Variants in KIR3DL1 observed in about 807,000 individuals in gnomAD.
The protein encoded by KIR3DL1 is killer cell immunoglobulin-like receptor 3DL1.
KIR3DL1 carries 50 observed loss-of-function variants against 40.3 expected under a neutral mutation model. The ratio of observed to expected loss-of-function variants is 1.24; its 90% CI spans 0.99 to 1.57. KIR3DL1 has a LOEUF of 1.57. Among genes scored for constraint, KIR3DL1 ranks in the 40% most tolerant of loss-of-function variants. KIR3DL1 has a pLI of 0.00. For missense variants in KIR3DL1, 661 were observed against 559.9 expected (o/e 1.18, Z -1.82); for synonymous variants, 257 against 207.2 (o/e 1.24, Z -2.07).
At position 54,825,550 on chromosome 19, in the gene KIR3DL1, C is replaced by A. The variant is rs867594035; in HGVS notation, c.1000+472C>A. ...ACAGAGAACAGAGCTCATGCACGCA[C>A]ACTTCGACTCACTGACTCATTCAGC... is the stretch of plus-strand genomic sequence containing the variant. On this transcript the variant is annotated intron_variant, in intron 6 of 8. Transcript: ENST00000391728. 6.2e-4 allele frequency among the ~76,000 whole-genome samples: 93 copies of A among 150,082 alleles called. 1 individual carries two copies. Among genetic ancestry groups the A allele is most frequent in the African/African-American group, 2.2e-3 (90 of 40,208 alleles).
At chr19:54,818,283 C>G (rs1478170703) in intron 2 of KIR3DL1, 32 bp from the exon 3 acceptor site, 3 of 1,580,160 alleles carry the variant, frequency 1.9e-6, no homozygotes, top group Admixed American at 1.7e-5. Flanking sequence ...TCCACATCCT[C>G]CTCTCTAAGG....
At chr19:54,817,218 G>T (rs1006740520) in intron 1 of KIR3DL1, among the ~76,000 whole-genome samples, 1 of 141,090 alleles carries the variant, frequency 7.1e-6, no homozygotes, top group Non-Finnish European at 1.6e-5. Flanking sequence ...GTTGAGATAG[G>T]AGCCTGGAGT....
chr19:54,820,559 C>G (rs1331291750), intron 4 of KIR3DL1, among the ~76,000 whole-genome samples: 1 of 151,296 alleles, frequency 6.6e-6, no homozygotes, highest in Non-Finnish European at 1.5e-5. Flanking sequence ...CTTGGGGTCC[C>G]CAGACTGGAT....
chr19:54,821,602 C>G, exon 5 of KIR3DL1: 4 of 1,608,334 alleles, frequency 2.5e-6, no homozygotes, highest in Non-Finnish European at 2.5e-6. Context: ...CCCAGCCGGG[C>G]CCCAAGGTTC....
chr19:54,817,458 C>A (rs568810152), intron 1 of KIR3DL1, 76 bp from the exon 2 acceptor site: 7 of 1,236,286 alleles, frequency 5.7e-6, no homozygotes, highest in Non-Finnish European at 8.1e-6. Flanking sequence ...GCTGCCAAGA[C>A]GCACAGCCCA....
chr19:54,817,561 C>G (rs1164650744), exon 2 of KIR3DL1: 2 of 1,512,086 alleles, frequency 1.3e-6, no homozygotes, highest in Admixed American at 1.8e-5. Context: ...AGGGCCGGTC[C>G]ACACATGGGT....
intron 6 of KIR3DL1, 63 bp downstream of exon 6, chr19:54,825,141 C>T (rs1198023108): frequency 4.6e-6 from 5 of 1,092,180 alleles, no homozygotes; most frequent in Non-Finnish European, 7.0e-6. Context: ...GCCTTGGATG[C>T]AAGTGTTGGC....
In KIR3DL1 at chr19:54,824,330, T is replaced by G. The variant is rs945004743; in HGVS notation, c.950-698T>G. Among the ~76,000 whole-genome samples the G allele has an allele frequency of 1.3e-4, 20 of 151,496 alleles. 1 individual carries two copies. The highest frequency in any genetic ancestry group is 4.1e-4 in the African/African-American group (17 of 41,072). ...AGATATCCAGTTTTCCCCACACCAT[T>G]TATTGAAAAGACTGTCCTTTCCTGA... On this transcript the variant is annotated intron_variant, in intron 5 of 8. Coordinates refer to ENST00000391728, the Ensembl canonical transcript of KIR3DL1.
chr19:54,818,053 A>G (rs1299470978), intron 2 of KIR3DL1, among the ~76,000 whole-genome samples: 1 of 148,374 alleles, frequency 6.7e-6, no homozygotes, highest in African/African-American at 2.6e-5. Context: ...TGCCGTGTCT[A>G]CTTTGTGTTG....
In KIR3DL1 at chr19:54,816,488, C is replaced by A. The variant is rs2148043037; in HGVS notation, c.-13C>A. On this transcript the variant is annotated 5_prime_UTR_variant, in exon 1 of 9. Coordinates refer to ENST00000391728, the Ensembl canonical transcript of KIR3DL1. ...GAGCTGGGGCGCAGCCGCCTGTCTG[C>A]ACCGGCAGCACCATGTCGCTCATGG... is the stretch of plus-strand genomic sequence containing the variant. 22 of 1,605,666 alleles carry A rather than the reference C, an allele frequency of 1.4e-5. 1 individual carries two copies. The South Asian group carries it at 2.4e-4, about 18-fold the overall frequency.
chr19:54,825,744 G>C (rs1202527582), intron 6 of KIR3DL1, among the ~76,000 whole-genome samples: 3 of 136,572 alleles, frequency 2.2e-5, no homozygotes, highest in Non-Finnish European at 3.3e-5. Flanking sequence ...TGACAGCAAG[G>C]CTGCCTTCCC....
At chr19:54,818,356 G>T in exon 3 of KIR3DL1, 1 of 1,605,386 alleles carries the variant, frequency 6.2e-7, no homozygotes. Context: ...GCCCAGCGCT[G>T]TGGTGCCTCG....
chr19:54,818,258 G>T, intron 2 of KIR3DL1, 57 bp from the exon 3 acceptor site: 3 of 1,551,088 alleles, frequency 1.9e-6, no homozygotes, highest in Non-Finnish European at 2.6e-6. Flanking sequence ...CTGGGCACTG[G>T]GAGTGAGGGG....
intron 5 of KIR3DL1, among the ~76,000 whole-genome samples, chr19:54,823,013 G>A (rs1480892771): frequency 1.4e-5 from 2 of 147,348 alleles, no homozygotes; most frequent in East Asian, 3.9e-4. Flanking sequence ...TGAAATTGCT[G>A]GACACTATGA....
chr19:54,825,728 T>A (rs640396), intron 6 of KIR3DL1, among the ~76,000 whole-genome samples: 63,165 of 144,370 alleles, frequency 0.44, 11,125 homozygotes, highest in Non-Finnish European at 0.5. Flanking sequence ...TGGGCTAAAA[T>A]CAAGGTGACA....
chr19:54,821,525 G>A, intron 4 of KIR3DL1, 40 bp from the exon 5 acceptor site: 1 of 1,583,634 alleles, frequency 6.3e-7, no homozygotes, highest in Non-Finnish European at 8.6e-7. Flanking sequence ...GCTATGACAA[G>A]GAAGAACCTC....
chr19:54,822,560 A>G (rs587848), intron 5 of KIR3DL1, among the ~76,000 whole-genome samples: 1 of 149,716 alleles, frequency 6.7e-6, no homozygotes, highest in Non-Finnish European at 1.5e-5. Context: ...CCCAGGAGGC[A>G]GAGGTTGCAC....
intron 1 of KIR3DL1, among the ~76,000 whole-genome samples, 159 bp from the exon 2 acceptor site, chr19:54,817,375 A>G (rs2061403083): frequency 6.9e-6 from 1 of 144,988 alleles, no homozygotes; most frequent in East Asian, 2.1e-4. Flanking sequence ...CAGTCTCTGC[A>G]CAGCCGAGAT....
At chr19:54,830,388 T>A in exon 9 of KIR3DL1, 1 of 1,215,700 alleles carries the variant, frequency 8.2e-7, no homozygotes, top group Non-Finnish European at 1.2e-6. Flanking sequence ...TGAGTCTTCA[T>A]CTTAGGGCAT....
Sources: allele counts gnomAD v4.1 joint callset (sites outside exome capture counted in the v4.1 genomes callset), GRCh38; gene constraint gnomAD v4.1.1; transcripts MANE v1.5; gene names NCBI Gene and HGNC (gene_info 2026-07-23, HGNC 2026-07-21).